The following HERC4 variants were observed in gnomAD, a reference collection of about 807,000 sequenced individuals.
HERC4 encodes probable E3 ubiquitin-protein ligase HERC4.
Under a neutral mutation model 124.3 loss-of-function variants are expected in HERC4, and 28 were observed. That is an observed-to-expected ratio of 0.23 (90% CI 0.17 to 0.31). The LOEUF is 0.31. Ranked by LOEUF, HERC4 falls within the 10% of genes least tolerant of loss-of-function variation. HERC4 has a pLI of 1.00. For synonymous variants in HERC4, 407 were observed against 421.5 expected, an observed-to-expected ratio of 0.97 and a Z score of 0.42; for missense variants, 713 against 1,229.3, an observed-to-expected ratio of 0.58 and a Z score of 6.28.
chr10:68,016,285 C>T (rs2038261361), intron 8 of HERC4, among the ~76,000 whole-genome samples: 1 of 152,088 alleles, frequency 6.6e-6, no homozygotes, highest in Non-Finnish European at 1.5e-5. Context: ...TTTGGTAATC[C>T]TGACTGCTTC....
At position 67,931,964 on chromosome 10, in the gene HERC4, T is replaced by C. The variant is rs542781432; in HGVS notation, c.2838+633A>G. Among the ~76,000 whole-genome samples, 640 of 152,252 alleles carry C rather than the reference T, an allele frequency of 4.2e-3. 5 individuals are homozygous for C. The highest frequency in any genetic ancestry group is 0.015 in the African/African-American group (612 of 41,526). On this transcript the variant is annotated intron_variant, in intron 23 of 24. Transcript: ENST00000373700. ...ATTTTTATCTACTTTTATTTACTTATTTTTTGTTTTTGAGACAGAGCCTTG... is the reference window on the plus strand; with the variant it reads ...ATTTTTATCTACTTTTATTTACTTACTTTTTGTTTTTGAGACAGAGCCTTG...
chr10:68,049,699 C>T (rs1450635164), intron 3 of HERC4, among the ~76,000 whole-genome samples: 1 of 151,218 alleles, frequency 6.6e-6, no homozygotes, highest in Non-Finnish European at 1.5e-5. Flanking sequence ...TGGCTTGAAT[C>T]CAGGAGTTCG....
intron 9 of HERC4, among the ~76,000 whole-genome samples, chr10:68,001,723 C>T (rs902387923): frequency 2.0e-5 from 3 of 152,062 alleles, no homozygotes; most frequent in Non-Finnish European, 4.4e-5. Context: ...ACTCTCCGTA[C>T]CCTCCTCCCT....
chr10:67,998,477 G>A (rs1168782481), intron 9 of HERC4, among the ~76,000 whole-genome samples: 1 of 149,918 alleles, frequency 6.7e-6, no homozygotes, highest in Non-Finnish European at 1.5e-5. Context: ...AATCCAGGAG[G>A]CGGAGGCTGC....
intron 23 of HERC4, among the ~76,000 whole-genome samples, chr10:67,927,423 TATA>T (rs1367835207): frequency 3.8e-3 from 40 of 10,550 alleles, no homozygotes; most frequent in Admixed American, 7.2e-3. Context: ...TATATATATA[TATA>T]TATATTTTTT....
intron 15 of HERC4, among the ~76,000 whole-genome samples, chr10:67,975,235 TAAA>T (rs994036996): frequency 6.6e-6 from 1 of 151,978 alleles, no homozygotes; most frequent in Admixed American, 6.6e-5. Context: ...AATAATAAAA[TAAA>T]ACCTATCATT....
At chr10:68,038,058 A>T in intron 5 of HERC4, 35 bp downstream of exon 5, 1 of 1,191,118 alleles carries the variant, frequency 8.4e-7, no homozygotes, top group South Asian at 1.4e-5. Context: ...CAAGTAATAA[A>T]ACTGAAGAGA....
chr10:68,072,985 C>T lies in HERC4; in HGVS notation c.124G>A (p.Gly42Arg). 6.2e-7 allele frequency: 1 copy of T among 1,613,894 alleles called. No individual in the cohort carries two copies. The highest frequency in any genetic ancestry group is 8.5e-7 in the Non-Finnish European group (1 of 1,179,832). The change falls in exon 3 of 25, where the codon GGA (glycine) becomes AGA (arginine). Residue 42 changes from glycine to arginine, a missense_variant. Coordinates refer to ENST00000373700, the MANE Select transcript of HERC4 (RefSeq NM_015601.4). ...INKRVRDVGC[G>R]LRHTVFVLDD... The stretch of plus-strand genomic sequence containing the variant: ...AGAACAAACACAGTATGTCTGAGTC[C>T]ACATCCTACATCTCGGACCCTTTTA...
chr10:67,962,309 G>A lies in HERC4; in HGVS notation c.1926+4374C>T, dbSNP rs373007983. The stretch of plus-strand genomic sequence containing the variant: ...AAGGGAGTTTATAGTATGGGAGATC[G>A]ATTTTCTCCTTAGCTAAACAATGAA... On this transcript the variant is annotated intron_variant, in intron 16 of 24. Coordinates refer to ENST00000373700, the MANE Select transcript of HERC4 (RefSeq NM_015601.4). 1.5e-4 allele frequency among the ~76,000 whole-genome samples: 22 copies of A among 151,578 alleles called. 1 individual carries two copies. The South Asian group carries it at 2.1e-3, about 14-fold the overall frequency.
At chr10:68,049,132 T>G in intron 3 of HERC4, among the ~76,000 whole-genome samples, 1 of 151,916 alleles carries the variant, frequency 6.6e-6, no homozygotes. Flanking sequence ...ACACTGGAAA[T>G]TCTCCAGTAT....
chr10:68,024,938 T>C (rs886665622), intron 8 of HERC4, among the ~76,000 whole-genome samples: 1 of 152,252 alleles, frequency 6.6e-6, no homozygotes, highest in African/African-American at 2.4e-5. Flanking sequence ...AGGAGATTAT[T>C]GGTTTAATTA....
intron 5 of HERC4, 128 bp from the exon 6 acceptor site, chr10:68,034,314 GA>G: frequency 1.5e-6 from 1 of 669,414 alleles, no homozygotes; most frequent in Non-Finnish European, 2.5e-6. Context: ...ATCATCAAAA[GA>G]ATATAAATAT....
At position 67,990,347 on chromosome 10, in the gene HERC4, A is replaced by G; in HGVS notation, c.1497T>C (p.Pro499=). 1 of 1,611,910 alleles carries G rather than the reference A, an allele frequency of 6.2e-7. No individual in the cohort carries two copies. The change falls in exon 14 of 25, where the codon CCT becomes CCC. Residue 499 remains proline, a synonymous_variant. Coordinates refer to ENST00000373700, the MANE Select transcript of HERC4 (RefSeq NM_015601.4). ...GATAAAACCTCAATGCTTCAACATC[A>G]GGTAAGGAGCTAGTCAGTTTAGGAA... ...NLIPKLTSSL[P]DVEALRFYLT...
chr10:68,058,569 T>C (rs758707769), intron 3 of HERC4, among the ~76,000 whole-genome samples: 8 of 152,320 alleles, frequency 5.3e-5, no homozygotes, highest in Admixed American at 2.0e-4. Context: ...ACGCTAGGCA[T>C]TGTTCTTTGC....
At position 67,925,216 on chromosome 10, in the gene HERC4, T is replaced by A. The variant is rs754986389; in HGVS notation, c.2839-29A>T. Reference sequence around the variant, plus strand: ...AAAACAACATAATCTTTTATTAGTATTAAGGGACACACTGGCTAATATATT... The same window carrying A: ...AAAACAACATAATCTTTTATTAGTAATAAGGGACACACTGGCTAATATATT... On this transcript the variant is annotated intron_variant, in intron 23 of 24. Coordinates refer to ENST00000373700, the MANE Select transcript of HERC4 (RefSeq NM_015601.4). The A allele has an allele frequency of 7.1e-6, 9 of 1,276,048 alleles. No homozygotes were observed. The African/African-American group carries it at 7.4e-5, about 10-fold the overall frequency. The allele number at this position is 1,276,048 out of a possible 1,614,324, so 79.0% of individuals were successfully genotyped here. A position where few individuals can be genotyped will look rare whatever the true frequency, so the allele number is the denominator to read the frequency against.
intron 4 of HERC4, among the ~76,000 whole-genome samples, chr10:68,039,142 A>C (rs1232553800): frequency 7.9e-6 from 1 of 125,896 alleles, no homozygotes; most frequent in Non-Finnish European, 1.6e-5. Flanking sequence ...CACTGTCTCT[A>C]CTGAAAATAC....
In HERC4 at chr10:67,935,338, G is replaced by A. The variant is rs939017036; in HGVS notation, c.2654+815C>T. ...TTTTCTGTATTTTTAGTAGAGATGG[G>A]GTTTCACTGCATTAGCCAGGATGGT... is the stretch of plus-strand genomic sequence containing the variant. On this transcript the variant is annotated intron_variant, in intron 22 of 24. Coordinates refer to ENST00000373700, the MANE Select transcript of HERC4 (RefSeq NM_015601.4). Among the ~76,000 whole-genome samples the A allele has an allele frequency of 1.4e-4, 21 of 152,046 alleles. No individual in the cohort carries two copies. The East Asian group carries it at 2.3e-3, about 17-fold the overall frequency.
At chr10:67,992,006 C>T (rs1393023345) in intron 11 of HERC4, among the ~76,000 whole-genome samples, 193 bp downstream of exon 11, 1 of 152,054 alleles carries the variant, frequency 6.6e-6, no homozygotes, top group Non-Finnish European at 1.5e-5. Flanking sequence ...TCAGCTGATC[C>T]TCCCACCTCA....
chr10:68,001,544 C>A (rs529488093), intron 9 of HERC4, among the ~76,000 whole-genome samples: 1 of 152,074 alleles, frequency 6.6e-6, no homozygotes, highest in Admixed American at 6.6e-5. Flanking sequence ...GAGTACAGTG[C>A]AAAAAGATTA....
Sources: gnomAD v4.1 joint callset for allele counts (sites outside exome capture counted in the v4.1 genomes callset) on GRCh38, gnomAD v4.1.1 for gene constraint, MANE v1.5 for transcripts, NCBI Gene and HGNC (gene_info 2026-07-23, HGNC 2026-07-21) for gene names.